Variants in PCDHA1 observed in about 807,000 individuals in gnomAD.
The protein encoded by PCDHA1 is protocadherin alpha-1.
A neutral mutation model predicts 61.3 loss-of-function variants in PCDHA1; 42 were observed. The observed-to-expected ratio is 0.69, with a 90% CI of 0.54 to 0.89. PCDHA1 has a LOEUF of 0.89. Ranked by LOEUF, PCDHA1 falls within the 40% of genes least tolerant of loss-of-function variation. The pLI, the probability that PCDHA1 is intolerant of heterozygous loss-of-function variation, is 0.00. For missense variants in PCDHA1, 1,256 were observed against 1,235.3 expected (o/e 1.02, Z -0.25); for synonymous variants, 610 against 553.8 (o/e 1.10, Z -1.43).
intron 1 of PCDHA1, among the ~76,000 whole-genome samples, chr5:140,900,156 T>G (rs1219079675): frequency 3.3e-5 from 5 of 152,180 alleles, no homozygotes; most frequent in African/African-American, 1.2e-4. Flanking sequence ...CATACGATAT[T>G]TGTCTTTCTG....
chr5:140,815,478 C>A (rs1276711473), intron 1 of PCDHA1: 2 of 152,012 alleles, frequency 1.3e-5, no homozygotes, highest in African/African-American at 4.8e-5. Flanking sequence ...TTACTTCTCC[C>A]CTACCCAAAT....
At position 140,830,681 on chromosome 5, in the gene PCDHA1, G is replaced by C. The variant is rs112940654; in HGVS notation, c.2394+41997G>C. On this transcript the variant is annotated intron_variant, in intron 1 of 3. Coordinates refer to ENST00000504120, the MANE Select transcript of PCDHA1 (RefSeq NM_018900.4). ...AATTTAAGTGAAATTAGAAATCACT[G>C]TCCACAATCTGCACCTCAGAATTTT... The C allele has an allele frequency of 8.1e-3, 2,706 of 335,658 alleles. 74 individuals are homozygous for C. Among genetic ancestry groups the C allele is most frequent in the African/African-American group, 0.053 (2,457 of 46,446 alleles). The allele number at this position is 335,658 out of a possible 1,614,324, so 20.8% of individuals were successfully genotyped here.
At chr5:140,825,589 A>AT (rs1554130291) in intron 1 of PCDHA1, 2 of 151,442 alleles carry the variant, frequency 1.3e-5, no homozygotes, top group African/African-American at 4.9e-5. Context: ...CACCTGGCTA[A>AT]TTTTTTGTAT....
At chr5:140,984,788 T>C (rs2097121100) in intron 3 of PCDHA1, among the ~76,000 whole-genome samples, 1 of 152,292 alleles carries the variant, frequency 6.6e-6, no homozygotes, top group Non-Finnish European at 1.5e-5. Context: ...TGGGTGAGCA[T>C]AGACAAACTG....
chr5:140,880,707 G>A (rs1017608107), intron 1 of PCDHA1, among the ~76,000 whole-genome samples: 2 of 152,180 alleles, frequency 1.3e-5, no homozygotes, highest in East Asian at 3.8e-4. Context: ...TGACAATGTT[G>A]AGCAGCTTAA....
intron 1 of PCDHA1, chr5:140,830,412 C>G (rs2150186226): frequency 6.2e-7 from 1 of 1,614,064 alleles, no homozygotes; most frequent in Non-Finnish European, 8.5e-7. Flanking sequence ...GCCTTTAGCC[C>G]CAGCCTTTCA....
rs1554125148 is a variant in PCDHA1 at position 140,809,336 on chromosome 5, C to T, written c.2394+20652C>T. On this transcript the variant is annotated intron_variant, in intron 1 of 3. Transcript: ENST00000504120. ...CAGCCTTTTGGTGCTCACGCTGCTGCTGTACACCGCGCTGCGGTGCTCTGC... is the reference window on the plus strand; with the variant it reads ...CAGCCTTTTGGTGCTCACGCTGCTGTTGTACACCGCGCTGCGGTGCTCTGC... 8.7e-6 allele frequency: 14 copies of T among 1,614,084 alleles called. No individual in the cohort carries two copies. In the South Asian group the frequency reaches 1.3e-4, roughly 15 times the overall value.
At position 140,864,130 on chromosome 5, in the gene PCDHA1, G is replaced by A. The variant is rs1269875416; in HGVS notation, c.2394+75446G>A. ...TAGTAATAATGAATTAGACTGAGTG[G>A]CTGTTTCCTGTAAATGAGAAAGTTA... On this transcript the variant is annotated intron_variant, in intron 1 of 3. Coordinates refer to ENST00000504120, the MANE Select transcript of PCDHA1 (RefSeq NM_018900.4). 3 of 152,238 alleles carry A rather than the reference G, an allele frequency of 2.0e-5. No individual in the cohort carries two copies. The East Asian group carries it at 5.8e-4, about 29-fold the overall frequency. 9.4% of individuals were successfully genotyped at this position (152,238 alleles called of 1,614,324 possible).
Position 140,849,909 on chromosome 5 carries a change from T to A in PCDHA1, c.2394+61225T>A. ...CGTGAAGGAGAACAACCCGCCGGGC[T>A]GCCACATCTTCACGGTGTCTGCGCG... On this transcript the variant is annotated intron_variant, in intron 1 of 3. Coordinates refer to ENST00000504120, the MANE Select transcript of PCDHA1 (RefSeq NM_018900.4). The A allele has an allele frequency of 3.8e-6, 6 of 1,598,300 alleles. 2 individuals carry two copies. The highest frequency in any genetic ancestry group is 5.1e-6 in the Non-Finnish European group (6 of 1,167,786).
chr5:140,982,765 C>T (rs1345701735), intron 3 of PCDHA1, among the ~76,000 whole-genome samples: 2 of 151,722 alleles, frequency 1.3e-5, no homozygotes, highest in African/African-American at 2.4e-5. Flanking sequence ...AAAAGGATAA[C>T]AAGGAAAGTG....
chr5:140,871,329 C>T (rs1164407502), intron 1 of PCDHA1: 3 of 1,614,060 alleles, frequency 1.9e-6, no homozygotes, highest in African/African-American at 2.7e-5. Flanking sequence ...TGTGCTCCCG[C>T]GCGGTGGGGA....
Position 140,857,776 on chromosome 5 carries a change from CAGTG to C in PCDHA1, c.2394+69095_2394+69098del, listed in dbSNP as rs1342226765. ...CCGCTGGCAGCGCGGGCGGTGCAGTCAGTGAGCTGGTGCTGCGGTCGGTGGTTGC... is the reference window on the plus strand; with the variant it reads ...CCGCTGGCAGCGCGGGCGGTGCAGTCAGCTGGTGCTGCGGTCGGTGGTTGC... On this transcript the variant is annotated intron_variant, in intron 1 of 3. Coordinates refer to ENST00000504120, the MANE Select transcript of PCDHA1 (RefSeq NM_018900.4). 21 of 1,597,526 alleles carry C rather than the reference CAGTG, an allele frequency of 1.3e-5. No homozygotes were observed. In the Admixed American group the frequency reaches 3.4e-4, roughly 26 times the overall value.
intron 1 of PCDHA1, chr5:140,841,078 T>C: frequency 3.8e-6 from 2 of 527,688 alleles, no homozygotes; most frequent in Non-Finnish European, 6.6e-6. Flanking sequence ...AAATAGAAAG[T>C]GCATAGAAGA....
intron 1 of PCDHA1, chr5:140,871,243 C>G (rs1246479266): frequency 6.2e-7 from 1 of 1,613,862 alleles, no homozygotes; most frequent in African/African-American, 1.3e-5. Context: ...GGTACTCACG[C>G]TGCTGCTGTA....
chr5:140,955,867 C>T (rs1208648426), intron 1 of PCDHA1, among the ~76,000 whole-genome samples: 1 of 152,136 alleles, frequency 6.6e-6, no homozygotes, highest in Non-Finnish European at 1.5e-5. Context: ...CTTCACTTCC[C>T]TTTTTAGCTG....
intron 1 of PCDHA1, chr5:140,841,584 C>G (rs2150318562): frequency 1.2e-6 from 2 of 1,614,028 alleles, no homozygotes; most frequent in South Asian, 1.1e-5. Flanking sequence ...TTTGTGAATT[C>G]TCGGATCGAC....
At chr5:140,864,945 C>G (rs2048665503) in intron 1 of PCDHA1, 1 of 152,120 alleles carries the variant, frequency 6.6e-6, no homozygotes, top group Non-Finnish European at 1.5e-5. Flanking sequence ...GGCCTGTAAT[C>G]CCAGCATTTT....
intron 1 of PCDHA1, chr5:140,853,828 C>T: frequency 2.0e-6 from 2 of 986,484 alleles, no homozygotes; most frequent in South Asian, 9.5e-5. Flanking sequence ...TCTCATACAA[C>T]CGAAATTTTA....
Position 140,805,155 on chromosome 5 carries a change from C to T in PCDHA1, c.2394+16471C>T, listed in dbSNP as rs554509196. Reference sequence around the variant, plus strand: ...CATTTTGAAGACTTTGGAATTTTCACTTCACAGATGTACTGATGCTATGCC... The same window carrying T: ...CATTTTGAAGACTTTGGAATTTTCATTTCACAGATGTACTGATGCTATGCC... On this transcript the variant is annotated intron_variant, in intron 1 of 3. Coordinates refer to ENST00000504120, the MANE Select transcript of PCDHA1 (RefSeq NM_018900.4). The T allele has an allele frequency of 1.9e-5, 30 of 1,558,348 alleles. No homozygotes were observed. The African/African-American group carries it at 3.4e-4, about 17-fold the overall frequency.
Sources: gnomAD v4.1 joint callset for allele counts (sites outside exome capture counted in the v4.1 genomes callset) on GRCh38, gnomAD v4.1.1 for gene constraint, MANE v1.5 for transcripts, NCBI Gene and HGNC (gene_info 2026-07-23, HGNC 2026-07-21) for gene names.